Variants in WWOX observed in about 807,000 individuals in gnomAD.
The protein encoded by WWOX is WW domain-containing oxidoreductase.
Under a neutral mutation model 46.2 loss-of-function variants are expected in WWOX, and 69 were observed. The observed-to-expected ratio is 1.49, with a 90% CI of 1.23 to 1.82. The LOEUF (loss-of-function observed/expected upper bound fraction) is 1.82. Among genes scored for constraint, WWOX ranks in the 40% most tolerant of loss-of-function variants. The pLI, the probability that WWOX is intolerant of heterozygous loss-of-function variation, is 0.00. For missense variants in WWOX, 919 were observed against 542.6 expected (o/e 1.69, Z -6.89); for synonymous variants, 359 against 202.6 (o/e 1.77, Z -6.56).
intron 5 of WWOX, among the ~76,000 whole-genome samples, chr16:78,265,790 G>C (rs2079350487): frequency 6.6e-6 from 1 of 151,314 alleles, no homozygotes; most frequent in Admixed American, 6.6e-5. Flanking sequence ...TCCTAAAATA[G>C]TTTCTAGCAC....
At chr16:79,176,827 T>A (rs1214138841) in intron 8 of WWOX, among the ~76,000 whole-genome samples, 1 of 152,008 alleles carries the variant, frequency 6.6e-6, no homozygotes, top group Non-Finnish European at 1.5e-5. Flanking sequence ...TGGAAAAGAG[T>A]AATATAGTAA....
At chr16:79,004,924 C>G (rs1349631908) in intron 8 of WWOX, among the ~76,000 whole-genome samples, 3 of 151,982 alleles carry the variant, frequency 2.0e-5, no homozygotes, top group South Asian at 2.1e-4. Context: ...GGCCTTTATG[C>G]ATTTAGAGCT....
intron 8 of WWOX, among the ~76,000 whole-genome samples, chr16:78,962,909 T>C (rs948172379): frequency 1.3e-5 from 2 of 152,338 alleles, no homozygotes; most frequent in Non-Finnish European, 1.5e-5. Context: ...TTCTTTGCTG[T>C]CTTGCTTCTT....
intron 8 of WWOX, among the ~76,000 whole-genome samples, chr16:79,146,818 C>T (rs1021662009): frequency 6.6e-6 from 1 of 152,096 alleles, no homozygotes; most frequent in African/African-American, 2.4e-5. Flanking sequence ...TTGGAGACCC[C>T]AGCAGAAGTA....
At chr16:79,086,072 C>CA (rs11379925) in intron 8 of WWOX, among the ~76,000 whole-genome samples, 84,137 of 149,556 alleles carry the variant, frequency 0.56, 23,915 homozygotes, top group East Asian at 0.79. Flanking sequence ...ACCCCATCTC[C>CA]AAAAAAAAGA....
chr16:78,550,921 T>C (rs2044158423), intron 8 of WWOX: 2 of 152,174 alleles, frequency 1.3e-5, no homozygotes, highest in Non-Finnish European at 2.9e-5. Context: ...GACTCAGCAT[T>C]AATTGATAAA....
rs33981779 is a variant in WWOX, at chr16:78,817,172, C to CTTTTTTTTTTTTTTT, written c.1056+384433_1056+384447dup. On this transcript the variant is annotated intron_variant, in intron 8 of 8. Transcript: ENST00000566780. ...GTTTTTCTTAAACATTAGTGCTATT[C>CTTTTTTTTTTTTTTT]TTTTTTTTTTTTTTTTTTTTTTTTT... Among the ~76,000 whole-genome samples the CTTTTTTTTTTTTTTT allele has an allele frequency of 1.1e-3, 55 of 51,572 alleles. 13 individuals are homozygous for CTTTTTTTTTTTTTTT. Among genetic ancestry groups the CTTTTTTTTTTTTTTT allele is most frequent in the East Asian group, 3.5e-3 (5 of 1,420 alleles). The allele number at this position is 51,572 out of a possible 152,430, so 33.8% of individuals were successfully genotyped here. A position where few individuals can be genotyped will look rare whatever the true frequency, so the allele number is the denominator to read the frequency against.
intron 4 of WWOX, among the ~76,000 whole-genome samples, chr16:78,147,000 T>C (rs2034221223): frequency 6.6e-6 from 1 of 152,186 alleles, no homozygotes; most frequent in Admixed American, 6.5e-5. Context: ...TCAGTGTGAA[T>C]TGAGATGGTG....
chr16:78,719,360 A>C (rs150207760), intron 8 of WWOX, among the ~76,000 whole-genome samples: 1 of 152,326 alleles, frequency 6.6e-6, no homozygotes, highest in East Asian at 1.9e-4. Flanking sequence ...CCATTTGCTA[A>C]ATCTTCTGTC....
At chr16:78,557,634 T>C (rs893496745) in intron 8 of WWOX, among the ~76,000 whole-genome samples, 16 of 151,830 alleles carry the variant, frequency 1.1e-4, no homozygotes, top group African/African-American at 3.9e-4. Flanking sequence ...GAAAACTGTC[T>C]TATTTTTCAT....
intron 5 of WWOX, among the ~76,000 whole-genome samples, chr16:78,354,882 C>G (rs952895565): frequency 6.6e-6 from 1 of 151,902 alleles, no homozygotes; most frequent in Non-Finnish European, 1.5e-5. Context: ...GCCTATAATC[C>G]CAACACTTTT....
chr16:78,971,819 A>C (rs1210099740), intron 8 of WWOX, among the ~76,000 whole-genome samples: 1 of 145,692 alleles, frequency 6.9e-6, no homozygotes, highest in Non-Finnish European at 1.5e-5. Flanking sequence ...AATGCCATTT[A>C]AAGAGAACAC....
chr16:78,183,680 C>T (rs1006585125), intron 5 of WWOX, among the ~76,000 whole-genome samples: 4 of 152,196 alleles, frequency 2.6e-5, no homozygotes, highest in African/African-American at 9.6e-5. Context: ...CCGAAATCTC[C>T]TGAATACCAC....
intron 8 of WWOX, among the ~76,000 whole-genome samples, chr16:78,590,046 G>T (rs568409229): frequency 6.6e-6 from 1 of 152,012 alleles, no homozygotes; most frequent in Non-Finnish European, 1.5e-5. Flanking sequence ...TAAGTCCTAG[G>T]ATTATAGAAG....
chr16:78,704,423 C>T (rs1388929101), intron 8 of WWOX, among the ~76,000 whole-genome samples: 1 of 152,130 alleles, frequency 6.6e-6, no homozygotes, highest in African/African-American at 2.4e-5. Flanking sequence ...ACATGTAGTG[C>T]CAACAAGAAT....
intron 5 of WWOX, among the ~76,000 whole-genome samples, chr16:78,229,677 T>C (rs2037189274): frequency 6.6e-6 from 1 of 152,004 alleles, no homozygotes; most frequent in Admixed American, 6.6e-5. Context: ...TGGGGGCTAA[T>C]TAAGTGGACA....
chr16:79,083,469 TGGAGGTATC>T (rs943474733), intron 8 of WWOX, among the ~76,000 whole-genome samples: 10 of 152,314 alleles, frequency 6.6e-5, no homozygotes, highest in African/African-American at 2.4e-4. Context: ...ACTAAGATTT[TGGAGGTATC>T]GGCTGTTGCA....
rs1207168430 is a variant in WWOX at position 78,923,824 on chromosome 16, G to C, written c.1057-287784G>C. Among the ~76,000 whole-genome samples the C allele has an allele frequency of 5.3e-5, 7 of 131,692 alleles. 1 individual carries two copies. Among genetic ancestry groups the C allele is most frequent in the African/African-American group, 2.1e-4 (7 of 33,794 alleles). The allele number at this position is 131,692 out of a possible 152,430, so 86.4% of individuals were successfully genotyped here. A position where few individuals can be genotyped will look rare whatever the true frequency, so the allele number is the denominator to read the frequency against. ...TTTTTTTTTTTTTTTTTTTCAGACG[G>C]AGTCTTGCTCTGTTGCCCAGGCTGG... On this transcript the variant is annotated intron_variant, in intron 8 of 8. Transcript: ENST00000566780.
chr16:79,087,822 T>C (rs112232919), intron 8 of WWOX, among the ~76,000 whole-genome samples: 278 of 152,266 alleles, frequency 1.8e-3, no homozygotes, highest in African/African-American at 5.8e-3. Context: ...CCTCACGTAA[T>C]GTGAGCATGT....
Sources: gnomAD v4.1 joint callset for allele counts (sites outside exome capture counted in the v4.1 genomes callset) on GRCh38, gnomAD v4.1.1 for gene constraint, MANE v1.5 for transcripts, NCBI Gene and HGNC (gene_info 2026-07-23, HGNC 2026-07-21) for gene names.